Variants in ZNF217 observed in about 807,000 individuals in gnomAD.
ZNF217 encodes the protein zinc finger protein 217.
In ZNF217, 12 loss-of-function variants were observed where a neutral mutation model predicts 73.3. The observed-to-expected ratio is 0.16, with a 90% CI of 0.10 to 0.27. ZNF217 has a LOEUF of 0.27. Ranked by LOEUF, ZNF217 falls within the 10% of genes least tolerant of loss-of-function variation. The pLI is 1.00. For synonymous variants in ZNF217, 588 were observed against 516.4 expected, an observed-to-expected ratio of 1.14 and a Z score of -1.88; for missense variants, 1,195 against 1,327.8, an observed-to-expected ratio of 0.90 and a Z score of 1.55.
Position 53,568,016 on chromosome 20 carries a change from A to T in ZNF217, c.*1272T>A, listed in dbSNP as rs1323362181. 1.3e-5 allele frequency: 2 copies of T among 152,618 alleles called. No individual in the cohort carries two copies. Among genetic ancestry groups the T allele is most frequent in the African/African-American group, 2.4e-5 (1 of 41,466 alleles). The allele number at this position is 152,618 out of a possible 1,614,324, so 9.5% of individuals were successfully genotyped here. A position where few individuals can be genotyped will look rare whatever the true frequency, so the allele number is the denominator to read the frequency against. On this transcript the variant is annotated 3_prime_UTR_variant, in exon 6 of 6. Transcript: ENST00000371471. ...TAAAGAACAAAAGTTTAAAATATCT[A>T]GGAAGCCAGCTGGTGGCCATCTTCT...
Position 53,582,074 on chromosome 20 carries a change from T to A in ZNF217, c.753A>T (p.Thr251=), listed in dbSNP as rs1018599768. Residue 251 remains threonine (T), a synonymous_variant, in exon 2 of 6, where the codon ACA becomes ACT. Coordinates refer to ENST00000371471, the MANE Select transcript of ZNF217 (RefSeq NM_006526.3). The surrounding 1 kb of genome is among the most constrained non-coding windows in gnomAD (Gnocchi z 4.8). ...ACGGCATTCCTCCTTGTGGAGAGTCTGTCTGCGCGCTGCTGGTACCGAAAG... is the reference window on the plus strand; with the variant it reads ...ACGGCATTCCTCCTTGTGGAGAGTCAGTCTGCGCGCTGCTGGTACCGAAAG... ...KTAFGTSSAQ[T]DSPQGGMPSS... is the part of the protein sequence containing the mutation. 11 of 1,614,142 alleles carry A rather than the reference T, an allele frequency of 6.8e-6. No individual in the cohort carries two copies. Among genetic ancestry groups the A allele is most frequent in the East Asian group, 2.2e-5 (1 of 44,902 alleles).
At chr20:53,573,225 G>A (rs1437109933) in intron 4 of ZNF217, among the ~76,000 whole-genome samples, 1 of 151,352 alleles carries the variant, frequency 6.6e-6, no homozygotes, top group Non-Finnish European at 1.5e-5. Flanking sequence ...CAAGGTTCAA[G>A]TGATTCTCTT....
chr20:53,582,575 G>C lies in ZNF217; in HGVS notation c.252C>G (p.Val84=). The change falls in exon 2 of 6, where the codon GTC becomes GTG. Residue 84 remains valine, a synonymous_variant. Transcript: ENST00000371471. The surrounding 1 kb of genome is among the most constrained non-coding windows in gnomAD (Gnocchi z 4.8). ...AGAGGGTAGGCCGGTGTTGCATTAA[G>C]ACATGTTTATTAAGGTCTTCTGAAT... ...FTHSEDLNKH[V]LMQHRPTLCE... is the part of the protein sequence containing the mutation. 6.2e-7 allele frequency: 1 copy of C among 1,614,210 alleles called. No individual in the cohort carries two copies. The highest frequency in any genetic ancestry group is 1.7e-5 in the Admixed American group (1 of 60,022).
At chr20:53,587,157 G>GAT (rs1252439427) in intron 1 of ZNF217, among the ~76,000 whole-genome samples, 1 of 152,188 alleles carries the variant, frequency 6.6e-6, no homozygotes, top group African/African-American at 2.4e-5. Context: ...TATTTCAGTA[G>GAT]ATACTTTTAA....
chr20:53,571,932 T>C, intron 4 of ZNF217, 79 bp from the exon 5 acceptor site: 1 of 1,434,882 alleles, frequency 7.0e-7, no homozygotes, highest in Non-Finnish European at 9.3e-7. Flanking sequence ...GAAGTCAATT[T>C]TCAAAATTTC....
At chr20:53,571,251 G>C (rs1218672889) in intron 5 of ZNF217, among the ~76,000 whole-genome samples, 1 of 152,070 alleles carries the variant, frequency 6.6e-6, no homozygotes, top group Non-Finnish European at 1.5e-5. Context: ...CACTATGACT[G>C]TTTTCCTATT....
At chr20:53,585,763 A>C (rs1440892014) in intron 1 of ZNF217, among the ~76,000 whole-genome samples, 1 of 152,184 alleles carries the variant, frequency 6.6e-6, no homozygotes, top group Non-Finnish European at 1.5e-5. Flanking sequence ...CGATCTTAGG[A>C]CAGAGGAAGC....
At chr20:53,596,854 A>G (rs1989049113), upstream of ZNF217, among the ~76,000 whole-genome samples, 1 of 152,070 alleles carries the variant, frequency 6.6e-6, no homozygotes, top group African/African-American at 2.4e-5. Context: ...GAGAAGGGGC[A>G]GAAAATCCCC....
rs768280455 is a variant in ZNF217, at chr20:53,581,553, G to C, written c.1274C>G (p.Ala425Gly). Reference protein sequence around the residue: ...RQPGTCSPDLAAPLDENGAVD... With the variant: ...RQPGTCSPDLGAPLDENGAVD... ...GGCTCCATTTTCATCCAGAGGGGCGGCGAGGTCAGGAGAACACGTCCCCGG... is the reference window on the plus strand; with the variant it reads ...GGCTCCATTTTCATCCAGAGGGGCGCCGAGGTCAGGAGAACACGTCCCCGG... Residue 425 changes from alanine to glycine, a missense_variant, in exon 2 of 6, where the codon GCC (alanine) becomes GGC (glycine). Around this residue, in one of 9 missense-constraint regions of ZNF217, gnomAD observed 116 missense variants for 121.9 expected, o/e 0.95. Transcript: ENST00000371471. The surrounding 1 kb of genome is among the most constrained non-coding windows in gnomAD (Gnocchi z 4.9). 1 of 1,614,214 alleles carries C rather than the reference G, an allele frequency of 6.2e-7. No homozygotes were observed. The highest frequency in any genetic ancestry group is 8.5e-7 in the Non-Finnish European group (1 of 1,180,024).
chr20:53,593,853 C>CGGAGGAGCGGGA (rs1332147814), upstream of ZNF217: 10 of 126,260 alleles, frequency 7.9e-5, no homozygotes, highest in Non-Finnish European at 1.2e-4. Context: ...GAGGAGCGGG[C>CGGAGGAGCGGGA]GCGGAGGGGA....
intron 1 of ZNF217, 77 bp downstream of exon 1, chr20:53,593,679 T>TCGGGGGCGGCGCGGGAGCCTCCG (rs1988966528): frequency 6.7e-6 from 1 of 149,530 alleles, no homozygotes. Context: ...GCCGGGCGCC[T>TCGGGGGCGGCGCGGGAGCCTCCG]CGGGGGCGGC....
At position 53,582,734 on chromosome 20, in the gene ZNF217, C is replaced by A. The variant is rs760785621; in HGVS notation, c.93G>T (p.Pro31=). The change falls in exon 2 of 6, where the codon CCG becomes CCT. Residue 31 remains proline, a synonymous_variant. Transcript: ENST00000371471. The surrounding 1 kb of genome is among the most constrained non-coding windows in gnomAD (Gnocchi z 4.8). ...TTGACAAGGCATCCTCCATCTCCAT[C>A]GGACTGCCAAGAGAGCTGCCAATCA... The part of the protein sequence containing the change: ...PEVIGSSLGS[P]MEMEDALSMK... The A allele has an allele frequency of 6.2e-7, 1 of 1,614,132 alleles. No individual in the cohort carries two copies. The highest frequency in any genetic ancestry group is 1.1e-5 in the South Asian group (1 of 91,074).
intron 4 of ZNF217, chr20:53,574,573 T>A (rs1421611925): frequency 1.3e-5 from 2 of 152,224 alleles, no homozygotes; most frequent in African/African-American, 4.8e-5. Context: ...GGCCAGTGCA[T>A]CACCTGAGGT....
Position 53,576,022 on chromosome 20 carries a change from C to G in ZNF217, c.2742G>C (p.Glu914Asp), listed in dbSNP as rs61730988. 1 of 1,614,086 alleles carries G rather than the reference C, an allele frequency of 6.2e-7. No individual in the cohort carries two copies. Among genetic ancestry groups the G allele is most frequent in the African/African-American group, 1.3e-5 (1 of 74,928 alleles). Residue 914 changes from glutamate to aspartate, a missense_variant, in exon 4 of 6, where the codon GAG becomes GAC. Glu to Asp is a conservative substitution (Grantham distance 45). This residue lies in a region of ZNF217 where 649 missense variants were observed against 642.8 expected (regional missense o/e 1.01). Coordinates refer to ENST00000371471, the MANE Select transcript of ZNF217 (RefSeq NM_006526.3). ...SASNTAAEFG[E>D]PLPKRLKSSV... ...TGGACTTCAGTCTTTTTGGAAGGGG[C>G]TCACCAAATTCTGCTGCAGTATTGC...
In ZNF217 at chr20:53,581,712, T is replaced by C. The variant is rs1228493695; in HGVS notation, c.1115A>G (p.Glu372Gly). Residue 372 changes from glutamate to glycine, a missense_variant, in exon 2 of 6, where the codon GAG becomes GGG. This residue lies in a region of ZNF217 where 102 missense variants were observed against 91.9 expected (regional missense o/e 1.11). Transcript: ENST00000371471. The surrounding 1 kb of genome is among the most constrained non-coding windows in gnomAD (Gnocchi z 4.9). ...DADPKLPSSKEKPTHCSECGK... is the reference protein window; with the variant it reads ...DADPKLPSSKGKPTHCSECGK... ...GCACTCGGAGCAGTGAGTGGGCTTC[T>C]CCTTGCTACTGGGTAACTTGGGATC... 6.2e-7 allele frequency: 1 copy of C among 1,614,256 alleles called. No individual in the cohort carries two copies. The highest frequency in any genetic ancestry group is 8.5e-7 in the Non-Finnish European group (1 of 1,180,042).
At chr20:53,584,086 A>AT (rs1290540543) in intron 1 of ZNF217, among the ~76,000 whole-genome samples, 1 of 152,186 alleles carries the variant, frequency 6.6e-6, no homozygotes, top group African/African-American at 2.4e-5. Flanking sequence ...AAATTACTTT[A>AT]TTTAGCTCTG....
At chr20:53,591,327 A>G (rs1211245864) in intron 1 of ZNF217, among the ~76,000 whole-genome samples, 5 of 152,364 alleles carry the variant, frequency 3.3e-5, no homozygotes, top group South Asian at 2.1e-4. Flanking sequence ...CTTCACCAAT[A>G]AAAGTCATAT....
intron 3 of ZNF217, among the ~76,000 whole-genome samples, chr20:53,577,680 ATC>A (rs902993491): frequency 3.2e-4 from 49 of 152,358 alleles, no homozygotes; most frequent in African/African-American, 1.2e-3. Flanking sequence ...TCCTTTCACA[ATC>A]TCAAGACTAC....
chr20:53,567,808 G>T lies in ZNF217; in HGVS notation c.*1480C>A, dbSNP rs573046843. On this transcript the variant is annotated 3_prime_UTR_variant, in exon 6 of 6. Transcript: ENST00000371471. ...CACAGGAGCTAAGACTTCTATCAAG[G>T]AGGACATCTTACGTTGCATAATTTA... The T allele has an allele frequency of 1.3e-5, 2 of 152,398 alleles. No homozygotes were observed. Among genetic ancestry groups the T allele is most frequent in the Non-Finnish European group, 2.9e-5 (2 of 68,024 alleles). 9.4% of individuals were successfully genotyped at this position (152,398 alleles called of 1,614,324 possible). A position where few individuals can be genotyped will look rare whatever the true frequency, so the allele number is the denominator to read the frequency against.
Sources: allele counts gnomAD v4.1 joint callset (sites outside exome capture counted in the v4.1 genomes callset), GRCh38; gene constraint gnomAD v4.1.1; regional missense constraint gnomAD v4.1.1; non-coding constraint Gnocchi (gnomAD v3.1); transcripts MANE v1.5; gene names NCBI Gene and HGNC (gene_info 2026-07-23, HGNC 2026-07-21).